The following HECW2 variants were observed in gnomAD, a reference collection of about 807,000 sequenced individuals.
HECW2 encodes E3 ubiquitin-protein ligase HECW2.
In HECW2, 61 loss-of-function variants were observed where a neutral mutation model predicts 175.2. The observed-to-expected ratio is 0.35, with a 90% CI of 0.28 to 0.43. The LOEUF is 0.43. HECW2 is among the 20% of genes least tolerant of loss of function. The pLI is 1.00. For missense variants in HECW2, 1,524 were observed against 2,000.5 expected, an observed-to-expected ratio of 0.76 and a Z score of 4.54; for synonymous variants, 671 against 731.0, an observed-to-expected ratio of 0.92 and a Z score of 1.32.
At position 196,199,620 on chromosome 2, in the gene HECW2, A is replaced by C. The variant is rs1686792338; in HGVS notation, c.*1657T>G. The C allele has an allele frequency of 6.6e-6, 1 of 152,570 alleles. No individual in the cohort carries two copies. Among genetic ancestry groups the C allele is most frequent in the African/African-American group, 2.4e-5 (1 of 41,456 alleles). 9.5% of individuals were successfully genotyped at this position (152,570 alleles called of 1,614,324 possible). On this transcript the variant is annotated 3_prime_UTR_variant, in exon 29 of 29. Coordinates refer to ENST00000644978, the MANE Select transcript of HECW2 (RefSeq NM_001348768.2). ...TGCTTATAAATATAGATCTCAAAGAAATGTTTGGGCAATGCCTGTAAACCC... is the reference window on the plus strand; with the variant it reads ...TGCTTATAAATATAGATCTCAAAGACATGTTTGGGCAATGCCTGTAAACCC...
intron 2 of HECW2, chr2:196,362,315 G>A (rs1230414029): frequency 3.0e-5 from 4 of 133,106 alleles, no homozygotes; most frequent in Non-Finnish European, 5.8e-5. Flanking sequence ...AATGAGTTAT[G>A]TGTACACACA....
At chr2:196,363,233 T>C (rs970228036) in intron 2 of HECW2, among the ~76,000 whole-genome samples, 1 of 152,080 alleles carries the variant, frequency 6.6e-6, no homozygotes, top group African/African-American at 2.4e-5. Context: ...ATGTTCAGAA[T>C]GGTTACTATG....
intron 1 of HECW2, among the ~76,000 whole-genome samples, chr2:196,477,768 G>C (rs949035773): frequency 3.9e-5 from 6 of 152,128 alleles, no homozygotes; most frequent in Admixed American, 1.3e-4. Flanking sequence ...ACCTCACAGA[G>C]AGGCTGGGTG....
chr2:196,492,169 T>C (rs1211998496), intron 1 of HECW2, among the ~76,000 whole-genome samples: 1 of 152,202 alleles, frequency 6.6e-6, no homozygotes, highest in Non-Finnish European at 1.5e-5. Context: ...AGGTTTATTT[T>C]TTAGAGTTAC....
chr2:196,269,077 T>C (rs1017722090), intron 17 of HECW2, among the ~76,000 whole-genome samples: 2 of 152,228 alleles, frequency 1.3e-5, no homozygotes, highest in Admixed American at 6.5e-5. Context: ...TTATTAACCA[T>C]GTGAAACCAG....
intron 13 of HECW2, among the ~76,000 whole-genome samples, chr2:196,303,582 A>C (rs1200599655): frequency 6.6e-6 from 1 of 152,148 alleles, no homozygotes; most frequent in Non-Finnish European, 1.5e-5. Context: ...CCTCAATTTC[A>C]GAACTCATTA....
At chr2:196,445,757 C>T (rs376451294) in intron 1 of HECW2, among the ~76,000 whole-genome samples, 2 of 152,072 alleles carry the variant, frequency 1.3e-5, no homozygotes, top group African/African-American at 4.8e-5. Flanking sequence ...GATATGAAGG[C>T]CATGAAACAT....
chr2:196,565,957 T>C (rs1444462079), intron 1 of HECW2, among the ~76,000 whole-genome samples: 1 of 152,166 alleles, frequency 6.6e-6, no homozygotes, highest in Non-Finnish European at 1.5e-5. Context: ...TTTGTTTTTC[T>C]TTAGGCTAGT....
intron 2 of HECW2, among the ~76,000 whole-genome samples, chr2:196,405,137 G>A (rs1277772378): frequency 1.3e-5 from 2 of 151,742 alleles, no homozygotes; most frequent in African/African-American, 4.8e-5. Context: ...GGCCCCTCCT[G>A]TTGGTAATAT....
intron 2 of HECW2, among the ~76,000 whole-genome samples, chr2:196,431,054 G>C (rs568835631): frequency 1.3e-5 from 2 of 152,248 alleles, no homozygotes; most frequent in South Asian, 4.2e-4. Context: ...GGGGAAAAAA[G>C]ACATGTAACA....
intron 1 of HECW2, among the ~76,000 whole-genome samples, chr2:196,520,910 A>T (rs1688344566): frequency 6.6e-6 from 1 of 152,182 alleles, no homozygotes; most frequent in South Asian, 2.1e-4. Flanking sequence ...AGGTCAGAAA[A>T]AATAAATAAA....
intron 14 of HECW2, chr2:196,289,827 A>T (rs1395954923): frequency 3.3e-5 from 5 of 152,238 alleles, no homozygotes; most frequent in African/African-American, 1.2e-4. Flanking sequence ...CCCAAAGCAG[A>T]GTAGCCAAAC....
chr2:196,439,034 T>C (rs1575543323), intron 1 of HECW2, among the ~76,000 whole-genome samples: 3 of 152,284 alleles, frequency 2.0e-5, no homozygotes, highest in Middle Eastern at 3.4e-3. Flanking sequence ...ATATACCGGT[T>C]ATTTGTAAGT....
chr2:196,426,501 T>C (rs1211985666), intron 2 of HECW2, among the ~76,000 whole-genome samples: 3 of 152,186 alleles, frequency 2.0e-5, no homozygotes, highest in Non-Finnish European at 4.4e-5. Flanking sequence ...TAATTAGTGA[T>C]GTTGATTTTT....
intron 19 of HECW2, among the ~76,000 whole-genome samples, chr2:196,244,987 T>C (rs1688594146): frequency 6.6e-6 from 1 of 151,884 alleles, no homozygotes; most frequent in Non-Finnish European, 1.5e-5. Context: ...ATTTTCAGAG[T>C]GTGTTGAGTA....
At chr2:196,482,509 C>A (rs973533151) in intron 1 of HECW2, among the ~76,000 whole-genome samples, 1 of 152,178 alleles carries the variant, frequency 6.6e-6, no homozygotes, top group African/African-American at 2.4e-5. Flanking sequence ...ACAGCCAGCA[C>A]CATGCCTACA....
At chr2:196,493,805 A>C (rs1687287453) in intron 1 of HECW2, among the ~76,000 whole-genome samples, 1 of 152,124 alleles carries the variant, frequency 6.6e-6, no homozygotes, top group African/African-American at 2.4e-5. Context: ...AATTTGGGGG[A>C]GGAGGGAGAA....
chr2:196,306,524 G>A lies in HECW2; in HGVS notation c.2778C>T (p.Ile926=), dbSNP rs1223048374. 1.2e-6 allele frequency: 2 copies of A among 1,612,140 alleles called. No individual in the cohort carries two copies. Among genetic ancestry groups the A allele is most frequent in the East Asian group, 2.2e-5 (1 of 44,666 alleles). ...LLQSPPVKFL[I]SPEFFTVLHS... ...GCAGCACGGTGAAGAACTCTGGGCT[G>A]ATGAGGAACTTCACGGGGGGAGACT... The change falls in exon 13 of 29, where the codon ATC becomes ATT. Residue 926 remains isoleucine, a synonymous_variant. Coordinates refer to ENST00000644978, the MANE Select transcript of HECW2 (RefSeq NM_001348768.2).
At chr2:196,269,058 A>G (rs1689627148) in intron 17 of HECW2, among the ~76,000 whole-genome samples, 1 of 152,234 alleles carries the variant, frequency 6.6e-6, no homozygotes, top group Non-Finnish European at 1.5e-5. Flanking sequence ...CTAAGAGTTG[A>G]GTCAAATGTT....
Sources: allele counts gnomAD v4.1 joint callset (sites outside exome capture counted in the v4.1 genomes callset), GRCh38; gene constraint gnomAD v4.1.1; transcripts MANE v1.5; gene names NCBI Gene and HGNC (gene_info 2026-07-23, HGNC 2026-07-21).